Variants in GATA4 observed in about 807,000 individuals in gnomAD.
The protein encoded by GATA4 is GATA binding protein 4, also known as transcription factor GATA-4.
Under a neutral mutation model 37.9 loss-of-function variants are expected in GATA4, and 7 were observed. That is an observed-to-expected ratio of 0.18 (90% CI 0.11 to 0.35). The LOEUF (loss-of-function observed/expected upper bound fraction) is 0.35, where lower values mean the gene tolerates loss of function less well. Among genes scored for constraint, GATA4 ranks in the 10% least tolerant of loss-of-function variants. The pLI is 1.00. For missense variants in GATA4, 647 were observed against 653.0 expected, an observed-to-expected ratio of 0.99 and a Z score of 0.10; for synonymous variants, 372 against 292.6, an observed-to-expected ratio of 1.27 and a Z score of -2.77.
At chr8:11,692,566 G>A (rs1205074627), upstream of GATA4, 9 of 985,322 alleles carry the variant, frequency 9.1e-6, no homozygotes, top group Non-Finnish European at 1.1e-5. Flanking sequence ...TCGGGCCGCG[G>A]CGGCTCCGCC....
intron 2 of GATA4, among the ~76,000 whole-genome samples, chr8:11,741,987 G>T (rs890799089): frequency 6.6e-6 from 1 of 152,180 alleles, no homozygotes; most frequent in African/African-American, 2.4e-5. Flanking sequence ...GCCTGGGTTC[G>T]ATCCCACTTT....
chr8:11,750,703 C>T (rs891114113), intron 4 of GATA4, among the ~76,000 whole-genome samples: 9 of 144,332 alleles, frequency 6.2e-5, no homozygotes, highest in Non-Finnish European at 1.2e-4. Flanking sequence ...GAGGCTGAGG[C>T]AGAAGGATTG....
chr8:11,748,797 C>G, intron 2 of GATA4, 119 bp from the exon 3 acceptor site: 2 of 1,189,476 alleles, frequency 1.7e-6, no homozygotes, highest in Non-Finnish European at 2.5e-6. Flanking sequence ...CCGAGGTGGT[C>G]TTCTCTTTCC....
chr8:11,710,036 C>T (rs1377164893), intron 2 of GATA4, among the ~76,000 whole-genome samples: 1 of 152,208 alleles, frequency 6.6e-6, no homozygotes, highest in East Asian at 1.9e-4. Flanking sequence ...TGCATTTGTT[C>T]TCACTTTGAA....
At chr8:11,691,391 C>G (rs4476971), upstream of GATA4, among the ~76,000 whole-genome samples, 1 of 152,198 alleles carries the variant, frequency 6.6e-6, no homozygotes, top group Admixed American at 6.5e-5. Context: ...GCCTCAACCT[C>G]CCAGGTTCAA....
chr8:11,681,113 T>C (rs1485860415), intron 1 of GATA4: 2 of 983,246 alleles, frequency 2.0e-6, no homozygotes, highest in Non-Finnish European at 2.4e-6. Context: ...CTCGCAGGGT[T>C]CGTGGTCCGG....
At chr8:11,697,728 GTC>G in intron 1 of GATA4, 1 of 985,468 alleles carries the variant, frequency 1.0e-6, no homozygotes, top group Non-Finnish European at 1.2e-6. Context: ...ACACTTTCCT[GTC>G]TCTGCTCGCC....
chr8:11,740,142 G>C (rs1239917769), intron 2 of GATA4, among the ~76,000 whole-genome samples: 3 of 152,192 alleles, frequency 2.0e-5, no homozygotes, highest in Non-Finnish European at 4.4e-5. Flanking sequence ...GGAGCTGCAG[G>C]ACCCAGTGCC....
chr8:11,707,667 C>T lies in GATA4; in HGVS notation c.-457-189C>T, dbSNP rs1799953491. On this transcript the variant is annotated intron_variant, in intron 1 of 6. Coordinates refer to ENST00000532059, the MANE Select transcript of GATA4 (RefSeq NM_001308093.3). The surrounding 1 kb of genome is among the most constrained non-coding windows in gnomAD (Gnocchi z 4.7). ...CGCCTCTCCCCAGGCTTGCCTGGGC[C>T]GCCTGACCCAACGCCTGGACAAAAC... Among the ~76,000 whole-genome samples, 1 of 152,332 alleles carries T rather than the reference C, an allele frequency of 6.6e-6. No homozygotes were observed. Among genetic ancestry groups the T allele is most frequent in the Non-Finnish European group, 1.5e-5 (1 of 68,034 alleles).
upstream of GATA4, among the ~76,000 whole-genome samples, chr8:11,701,452 G>A (rs930159495): frequency 6.6e-6 from 1 of 152,092 alleles, no homozygotes; most frequent in Non-Finnish European, 1.5e-5. Context: ...TCTGGAGCGA[G>A]AGAGAAGCCT....
Position 11,748,928 on chromosome 8 carries a change from A to T in GATA4, c.629A>T (p.Asp210Val). Residue 210 changes from aspartate (D) to valine (V), a missense_variant, in exon 3 of 7, where the codon GAC (aspartate) becomes GTC (valine). Coordinates refer to ENST00000532059, the MANE Select transcript of GATA4 (RefSeq NM_001308093.3). ...CCCCCCAACTCAGTAGATATGTTTG[A>T]CGACTTCTCAGAAGGCAGAGAGTGT... is the stretch of plus-strand genomic sequence containing the variant. ...ARHPNLVDMF[D>V]DFSEGRECVN... is the part of the protein sequence containing the mutation. The T allele has an allele frequency of 6.2e-7, 1 of 1,614,202 alleles. No individual in the cohort carries two copies. The highest frequency in any genetic ancestry group is 1.6e-4 in the Middle Eastern group (1 of 6,062).
chr8:11,756,638 A>G, intron 5 of GATA4: 1 of 482,130 alleles, frequency 2.1e-6, no homozygotes, highest in South Asian at 2.1e-5. Flanking sequence ...ATTCTGTAAT[A>G]ATACACAGTA....
chr8:11,719,042 T>TA (rs1168909076), intron 2 of GATA4, among the ~76,000 whole-genome samples: 2 of 152,208 alleles, frequency 1.3e-5, no homozygotes, highest in East Asian at 3.8e-4. Flanking sequence ...TCATTTTAGA[T>TA]AAAAAAGAGT....
intron 1 of GATA4, chr8:11,677,070 C>CCCCTCCTGG (rs1798808641): frequency 6.5e-6 from 1 of 152,988 alleles, no homozygotes; most frequent in African/African-American, 2.4e-5. Context: ...GCGGGTGAGT[C>CCCCTCCTGG]CCCTCCTGGC....
At chr8:11,733,419 C>A (rs1048015543) in intron 2 of GATA4, among the ~76,000 whole-genome samples, 1 of 152,164 alleles carries the variant, frequency 6.6e-6, no homozygotes, top group African/African-American at 2.4e-5. Flanking sequence ...CACACTGGCA[C>A]GGAAGCTAAA....
At chr8:11,692,269 G>C (rs1799338192), upstream of GATA4, among the ~76,000 whole-genome samples, 1 of 152,206 alleles carries the variant, frequency 6.6e-6, no homozygotes. Flanking sequence ...AATGAACTAA[G>C]CTCCATCACA....
rs556681628 is a variant in GATA4 at position 11,709,922 on chromosome 8, G to A, written c.616+994G>A. On this transcript the variant is annotated intron_variant, in intron 2 of 6. Coordinates refer to ENST00000532059, the MANE Select transcript of GATA4 (RefSeq NM_001308093.3). The surrounding 1 kb of genome is among the most constrained non-coding windows in gnomAD (Gnocchi z 4.3). ...GACCTCTGGAATTTCGGGAAGAGAC[G>A]GAGGAGTGAGTTTGGATTGAGCCCA... is the stretch of plus-strand genomic sequence containing the variant. Among the ~76,000 whole-genome samples, 267 of 152,342 alleles carry A rather than the reference G, an allele frequency of 1.8e-3. No individual in the cohort carries two copies. Among genetic ancestry groups the A allele is most frequent in the Non-Finnish European group, 1.9e-3 (128 of 68,034 alleles).
chr8:11,680,826 GCT>G (rs1368575153), intron 1 of GATA4: 29 of 985,220 alleles, frequency 2.9e-5, no homozygotes, highest in Non-Finnish European at 3.4e-5. Flanking sequence ...CGGTCCCCAC[GCT>G]CTGGGCAGCA....
chr8:11,723,448 G>C (rs1800769263), intron 2 of GATA4, among the ~76,000 whole-genome samples: 1 of 152,116 alleles, frequency 6.6e-6, no homozygotes, highest in African/African-American at 2.4e-5. Flanking sequence ...GAGGGAACTT[G>C]CTTAAACTGA....
Sources: gnomAD v4.1 joint callset for allele counts (sites outside exome capture counted in the v4.1 genomes callset) on GRCh38, gnomAD v4.1.1 for gene constraint, Gnocchi (gnomAD v3.1) non-coding constraint, MANE v1.5 for transcripts, NCBI Gene and HGNC (gene_info 2026-07-23, HGNC 2026-07-21) for gene names.